The following TCERG1L variants were observed in gnomAD, a reference collection of about 807,000 sequenced individuals.
TCERG1L encodes the protein transcription elongation regulator 1 like, also known as transcription elongation regulator 1-like protein.
In TCERG1L, 37 loss-of-function variants were observed where a neutral mutation model predicts 56.3. The ratio of observed to expected loss-of-function variants is 0.66; its 90% CI spans 0.51 to 0.87. The LOEUF is 0.87. Among genes scored for constraint, TCERG1L ranks in the 40% least tolerant of loss-of-function variants. TCERG1L has a pLI of 0.00. For missense variants in TCERG1L, 799 were observed against 774.2 expected (o/e 1.03, Z -0.38); for synonymous variants, 324 against 326.3 (o/e 0.99, Z 0.08).
intron 8 of TCERG1L, among the ~76,000 whole-genome samples, chr10:131,122,155 T>C (rs894186597): frequency 2.6e-5 from 4 of 152,226 alleles, no homozygotes; most frequent in Non-Finnish European, 5.9e-5. Context: ...ATAATTAATC[T>C]GGTCTTTACT....
chr10:131,158,777 C>A (rs141133454), intron 6 of TCERG1L, among the ~76,000 whole-genome samples: 1 of 152,214 alleles, frequency 6.6e-6, no homozygotes, highest in Non-Finnish European at 1.5e-5. Context: ...GAGTGCCAAG[C>A]GGACCATCGC....
chr10:131,097,642 C>T lies in TCERG1L; in HGVS notation c.1604+664G>A, dbSNP rs149223967. On this transcript the variant is annotated intron_variant, in intron 11 of 11. Transcript: ENST00000368642. ...GATTATAGGCGTGAGCCACCGCGCC[C>T]GGCCCATGTTCATTACTTTTTAAAG... is the stretch of plus-strand genomic sequence containing the variant. Among the ~76,000 whole-genome samples the T allele has an allele frequency of 4.2e-3, 633 of 152,282 alleles. 3 individuals carry two copies. Among genetic ancestry groups the T allele is most frequent in the African/African-American group, 0.015 (607 of 41,546 alleles).
At chr10:131,304,165 C>T (rs1368392664) in intron 3 of TCERG1L, among the ~76,000 whole-genome samples, 2 of 152,056 alleles carry the variant, frequency 1.3e-5, no homozygotes, top group Non-Finnish European at 2.9e-5. Context: ...GGCAACGGGA[C>T]ATGGACAACT....
intron 8 of TCERG1L, among the ~76,000 whole-genome samples, chr10:131,119,531 T>C (rs1029542801): frequency 6.6e-6 from 1 of 152,214 alleles, no homozygotes; most frequent in African/African-American, 2.4e-5. Context: ...CCTGTATTGT[T>C]GCAACTTGAA....
chr10:131,278,666 G>A (rs571218568), intron 3 of TCERG1L, among the ~76,000 whole-genome samples: 19 of 152,294 alleles, frequency 1.2e-4, no homozygotes, highest in African/African-American at 3.8e-4. Context: ...CAAGACATGA[G>A]AACGATCATG....
intron 3 of TCERG1L, among the ~76,000 whole-genome samples, chr10:131,276,995 T>C (rs1846399930): frequency 6.6e-6 from 1 of 152,190 alleles, no homozygotes; most frequent in Non-Finnish European, 1.5e-5. Context: ...GTAGCTGCTG[T>C]TGAGTTGTCA....
intron 4 of TCERG1L, among the ~76,000 whole-genome samples, chr10:131,254,574 A>C (rs2133536495): frequency 6.6e-6 from 1 of 152,202 alleles, no homozygotes; most frequent in Middle Eastern, 3.4e-3. Context: ...GGCAGAGTGG[A>C]AACAGAAGTA....
chr10:131,295,453 G>C (rs760857666), intron 3 of TCERG1L, among the ~76,000 whole-genome samples: 58 of 152,186 alleles, frequency 3.8e-4, no homozygotes, highest in Non-Finnish European at 6.9e-4. Flanking sequence ...CCACCACGTG[G>C]TATTGCCAGG....
chr10:131,146,317 T>C (rs530815442), intron 7 of TCERG1L, among the ~76,000 whole-genome samples, 189 bp downstream of exon 7: 35 of 152,248 alleles, frequency 2.3e-4, no homozygotes, highest in Admixed American at 8.5e-4. Flanking sequence ...GCCGACCGCT[T>C]GGAAGGATCA....
At chr10:131,262,008 G>A (rs1399840142) in intron 3 of TCERG1L, among the ~76,000 whole-genome samples, 1 of 152,238 alleles carries the variant, frequency 6.6e-6, no homozygotes, top group African/African-American at 2.4e-5. Context: ...TCCAGGAGCT[G>A]CAAGGAAATC....
At chr10:131,156,573 G>C (rs1455899145) in intron 6 of TCERG1L, among the ~76,000 whole-genome samples, 1 of 152,102 alleles carries the variant, frequency 6.6e-6, no homozygotes, top group African/African-American at 2.4e-5. Context: ...AAAACTAAAA[G>C]GCAGAAATGA....
rs1390421560 is a variant in TCERG1L at position 131,251,218 on chromosome 10, C to T, written c.856+9041G>A. Among the ~76,000 whole-genome samples the T allele has an allele frequency of 3.9e-5, 6 of 152,212 alleles. No homozygotes were observed. In the East Asian group the frequency reaches 1.2e-3, roughly 29 times the overall value. The stretch of plus-strand genomic sequence containing the variant: ...TGGAGCTCTGCCGTGGCCCTGACCA[C>T]TCCCACGCCCTTCTGCCCAGGCCAG... On this transcript the variant is annotated intron_variant, in intron 4 of 11. Coordinates refer to ENST00000368642, the MANE Select transcript of TCERG1L (RefSeq NM_174937.4).
chr10:131,253,377 C>CCCTG lies in TCERG1L; in HGVS notation c.856+6878_856+6881dup, dbSNP rs375356186. Among the ~76,000 whole-genome samples the CCCTG allele has an allele frequency of 1.1e-3, 171 of 150,932 alleles. 2 individuals carry two copies. Among genetic ancestry groups the CCCTG allele is most frequent in the African/African-American group, 4.0e-3 (163 of 40,524 alleles). The stretch of plus-strand genomic sequence containing the variant: ...TAAACTGGTCTTCAGTGGCCTTCGA[C>CCCTG]CCTGCCCCCCAGCTTTCAGTAATGG... On this transcript the variant is annotated intron_variant, in intron 4 of 11. Transcript: ENST00000368642.
intron 4 of TCERG1L, among the ~76,000 whole-genome samples, chr10:131,177,003 GAC>G: frequency 8.2e-6 from 1 of 122,592 alleles, no homozygotes; most frequent in Non-Finnish European, 1.7e-5. Context: ...TGTACACACA[GAC>G]ACATGCACAC....
chr10:131,226,919 C>A (rs969065331), intron 4 of TCERG1L, among the ~76,000 whole-genome samples: 1 of 152,204 alleles, frequency 6.6e-6, no homozygotes, highest in African/African-American at 2.4e-5. Context: ...GCAGAATGTG[C>A]GGGCCCTCCC....
intron 6 of TCERG1L, 84 bp from the exon 7 acceptor site, chr10:131,146,744 C>G: frequency 7.0e-7 from 1 of 1,423,160 alleles, no homozygotes; most frequent in South Asian, 1.6e-5. Flanking sequence ...ACTGAAAAAG[C>G]CCCTCAGGAC....
chr10:131,200,942 C>T (rs1382123803), intron 4 of TCERG1L, among the ~76,000 whole-genome samples: 1 of 152,142 alleles, frequency 6.6e-6, no homozygotes, highest in African/African-American at 2.4e-5. Context: ...GGTTATCTCC[C>T]ACTTGCCTTT....
Position 131,311,381 on chromosome 10 carries a change from C to A in TCERG1L, c.255G>T (p.Glu85Asp). 8.4e-7 allele frequency: 1 copy of A among 1,192,856 alleles called. No homozygotes were observed. The highest frequency in any genetic ancestry group is 4.2e-5 in the South Asian group (1 of 24,044). 73.9% of individuals were successfully genotyped at this position (1,192,856 alleles called of 1,614,324 possible). ...PGLPGWPAPSEPVLPLLPLPS... is the reference protein window; with the variant it reads ...PGLPGWPAPSDPVLPLLPLPS... ...GCAGCGGCAGCAGCGGGAGCACCGG[C>A]TCGCTCGGGGCCGGCCAGCCGGGGA... Residue 85 changes from glutamate (E) to aspartate (D), a missense_variant, in exon 1 of 12, where the codon GAG becomes GAT. Transcript: ENST00000368642. This position sits in a 1 kb window ranked among gnomAD's most constrained non-coding sequence, Gnocchi z 4.0.
At chr10:131,253,589 G>A (rs764623948) in intron 4 of TCERG1L, among the ~76,000 whole-genome samples, 65 of 152,288 alleles carry the variant, frequency 4.3e-4, no homozygotes, top group Middle Eastern at 3.4e-3. Flanking sequence ...GGCATTCACC[G>A]TGCTGAACGC....
Sources: gnomAD v4.1 joint callset for allele counts (sites outside exome capture counted in the v4.1 genomes callset) on GRCh38, gnomAD v4.1.1 for gene constraint, Gnocchi (gnomAD v3.1) non-coding constraint, MANE v1.5 for transcripts, NCBI Gene and HGNC (gene_info 2026-07-23, HGNC 2026-07-21) for gene names.